Variants in TPRA1 observed in about 807,000 individuals in gnomAD.
TPRA1 encodes the protein transmembrane protein adipocyte-associated 1.
TPRA1 carries 28 observed loss-of-function variants against 40.1 expected under a neutral mutation model. The observed-to-expected ratio is 0.70, with a 90% CI of 0.52 to 0.96. TPRA1 has a LOEUF of 0.96. Among genes scored for constraint, TPRA1 ranks in the 40% least tolerant of loss-of-function variants. TPRA1 has a pLI of 0.00. For missense variants in TPRA1, 441 were observed against 482.6 expected, an observed-to-expected ratio of 0.91 and a Z score of 0.81; for synonymous variants, 219 against 209.7, an observed-to-expected ratio of 1.04 and a Z score of -0.38.
chr3:127,576,691 G>T lies in TPRA1; in HGVS notation c.424C>A (p.Leu142Met), dbSNP rs1313698964. ...VIILGLAFGH[L>M]ESKSSIKRVL... ...CGCTTGATGCTGGACTTACTCTCCA[G>T]GTGGCCTGGAAGAAACATGCTGGTC... is the stretch of plus-strand genomic sequence containing the variant. The change falls in exon 6 of 11, where the codon CTG (leucine) becomes ATG (methionine). Residue 142 changes from leucine to methionine, a missense_variant. Transcript: ENST00000355552. This position sits in a 1 kb window ranked among gnomAD's most constrained non-coding sequence, Gnocchi z 4.6. 1.9e-6 allele frequency: 3 copies of T among 1,610,024 alleles called. No homozygotes were observed. In the South Asian group the frequency reaches 3.3e-5, roughly 18 times the overall value.
At chr3:127,587,602 G>A (rs1163919839) in intron 1 of TPRA1, among the ~76,000 whole-genome samples, 2 of 151,726 alleles carry the variant, frequency 1.3e-5, no homozygotes, top group Non-Finnish European at 1.5e-5. Flanking sequence ...TAAGGGTGCC[G>A]TAAGGATCAA....
chr3:127,581,248 G>A (rs1460775275), intron 1 of TPRA1, among the ~76,000 whole-genome samples: 1 of 152,236 alleles, frequency 6.6e-6, no homozygotes, highest in Non-Finnish European at 1.5e-5. Flanking sequence ...AGGAATGCTT[G>A]TAAAGGCTGT....
At chr3:127,592,434 G>A (rs530114106), upstream of TPRA1, among the ~76,000 whole-genome samples, 28 of 142,330 alleles carry the variant, frequency 2.0e-4, no homozygotes, top group Admixed American at 1.5e-3. Flanking sequence ...GTCGGACTGC[G>A]GACTGCAGTG....
rs978133478 is a variant in TPRA1 at position 127,584,386 on chromosome 3, C to CAGCAGCA, written c.-17-4230_-17-4224dup. On this transcript the variant is annotated intron_variant, in intron 1 of 10. Coordinates refer to ENST00000355552, the MANE Select transcript of TPRA1 (RefSeq NM_001136053.4). ...GAGCCCAGGAGCTCCAGGCAGCAGG[C>CAGCAGCA]AGCAGCAAGCTATGATCACACCACT... Among the ~76,000 whole-genome samples the CAGCAGCA allele has an allele frequency of 5.4e-5, 7 of 129,128 alleles. No homozygotes were observed. The South Asian group carries it at 1.5e-3, about 27-fold the overall frequency. The allele number at this position is 129,128 out of a possible 152,430, so 84.7% of individuals were successfully genotyped here.
chr3:127,589,875 G>A (rs2074115870), intron 1 of TPRA1, among the ~76,000 whole-genome samples: 1 of 152,216 alleles, frequency 6.6e-6, no homozygotes, highest in South Asian at 2.1e-4. Context: ...GCCCCGCTGG[G>A]GACTGGACGA....
rs769628405 is a variant in TPRA1 at position 127,573,374 on chromosome 3, G to A, written c.*147C>T. The A allele has an allele frequency of 6.9e-5, 73 of 1,059,046 alleles. No homozygotes were observed. Among genetic ancestry groups the A allele is most frequent in the Non-Finnish European group, 8.6e-5 (65 of 759,818 alleles). 65.6% of individuals were successfully genotyped at this position (1,059,046 alleles called of 1,614,324 possible). ...CAAAGGGGATTGGGAGCCCCAGGGA[G>A]GTGGGGCCTCCAGACTCATGGTGGG... On this transcript the variant is annotated 3_prime_UTR_variant, in exon 11 of 11. Coordinates refer to ENST00000355552, the MANE Select transcript of TPRA1 (RefSeq NM_001136053.4).
At chr3:127,592,982 A>T (rs1394023567), upstream of TPRA1, among the ~76,000 whole-genome samples, 1 of 152,196 alleles carries the variant, frequency 6.6e-6, no homozygotes, top group African/African-American at 2.4e-5. Flanking sequence ...ATTCATCTTA[A>T]GCTTTCAGGC....
At position 127,576,079 on chromosome 3, in the gene TPRA1, G is replaced by C. The variant is rs910592880; in HGVS notation, c.499-29C>G. The stretch of plus-strand genomic sequence containing the variant: ...CAGGGGCAAGCAGGAAGGGAGGAAG[G>C]GAGAGGATCTCAAGGCTTCTCTCTC... On this transcript the variant is annotated intron_variant, in intron 6 of 10. Transcript: ENST00000355552. This position sits in a 1 kb window ranked among gnomAD's most constrained non-coding sequence, Gnocchi z 4.6. The C allele has an allele frequency of 1.3e-6, 2 of 1,562,106 alleles. No homozygotes were observed. The highest frequency in any genetic ancestry group is 2.7e-5 in the African/African-American group (2 of 73,778).
rs867773090 is a variant in TPRA1, at chr3:127,571,408, G to C, written c.*2113C>G. The C allele has an allele frequency of 6.6e-6, 1 of 152,224 alleles. No homozygotes were observed. Among genetic ancestry groups the C allele is most frequent in the African/African-American group, 2.4e-5 (1 of 41,456 alleles). 9.4% of individuals were successfully genotyped at this position (152,224 alleles called of 1,614,324 possible). A position where few individuals can be genotyped will look rare whatever the true frequency, so the allele number is the denominator to read the frequency against. On this transcript the variant is annotated 3_prime_UTR_variant, in exon 11 of 11. Coordinates refer to ENST00000355552, the MANE Select transcript of TPRA1 (RefSeq NM_001136053.4). Reference sequence around the variant, plus strand: ...AGTAATTAAAACTAATTAAGACTGTGTGCTCCAGCAATTCTACTTGCATGA... The same window carrying C: ...AGTAATTAAAACTAATTAAGACTGTCTGCTCCAGCAATTCTACTTGCATGA...
intron 1 of TPRA1, among the ~76,000 whole-genome samples, chr3:127,585,396 C>A (rs2073969476): frequency 6.6e-6 from 1 of 152,204 alleles, no homozygotes; most frequent in Non-Finnish European, 1.5e-5. Context: ...ACTCTAAGTG[C>A]AACCAGAAGG....
chr3:127,574,907 TCC>T, intron 10 of TPRA1: 1 of 506,512 alleles, frequency 2.0e-6, no homozygotes, highest in Admixed American at 3.6e-5. Context: ...CCCGTGTGTA[TCC>T]GTATGTGCGT....
intron 1 of TPRA1, among the ~76,000 whole-genome samples, chr3:127,589,845 T>G (rs1372354889): frequency 1.3e-5 from 2 of 152,154 alleles, no homozygotes; most frequent in East Asian, 3.9e-4. Flanking sequence ...CGGGAACAAC[T>G]GAATCTCCAG....
At chr3:127,597,838 C>T (rs1404233247) in intron 1 of TPRA1, among the ~76,000 whole-genome samples, 1 of 151,588 alleles carries the variant, frequency 6.6e-6, no homozygotes, top group African/African-American at 2.4e-5. Context: ...GACGGAGTCT[C>T]ACTCTGTCAC....
intron 1 of TPRA1, among the ~76,000 whole-genome samples, chr3:127,597,555 G>A (rs1001696918): frequency 6.6e-6 from 1 of 152,110 alleles, no homozygotes; most frequent in Non-Finnish European, 1.5e-5. Flanking sequence ...TCTTAGGGAG[G>A]GGCTTGCACA....
chr3:127,587,762 C>T (rs1436777237), intron 1 of TPRA1, among the ~76,000 whole-genome samples: 1 of 151,374 alleles, frequency 6.6e-6, no homozygotes, highest in Admixed American at 6.6e-5. Context: ...CTGCAACCTC[C>T]ACCTCCCGGG....
intron 1 of TPRA1, 92 bp from the exon 2 acceptor site, chr3:127,580,255 G>A: frequency 5.5e-6 from 8 of 1,442,216 alleles, no homozygotes; most frequent in Non-Finnish European, 7.4e-6. Context: ...AAATCAGAGG[G>A]GCTGCACAGA....
intron 10 of TPRA1, among the ~76,000 whole-genome samples, chr3:127,574,453 C>A (rs2073504897): frequency 6.6e-6 from 1 of 152,240 alleles, no homozygotes; most frequent in Admixed American, 6.5e-5. Flanking sequence ...AGCATCCCAT[C>A]TCACAGACGC....
Position 127,580,115 on chromosome 3 carries a change from T to C in TPRA1, c.32A>G (p.Asn11Ser), listed in dbSNP as rs376536573. The C allele has an allele frequency of 1.9e-6, 3 of 1,613,482 alleles. No individual in the cohort carries two copies. The highest frequency in any genetic ancestry group is 1.3e-5 in the African/African-American group (1 of 74,924). The change falls in exon 2 of 11, where the codon AAT becomes AGT. Residue 11 changes from asparagine to serine, a missense_variant. Transcript: ENST00000355552. ...GGGTGGGGGTAGCGCTGTGCTCCCA[T>C]TGGCCCAAGTCACCTCCTCCAGGGT... MDTLEEVTWANGSTALPPPLA... is the reference protein window; with the variant it reads MDTLEEVTWASGSTALPPPLA...
intron 1 of TPRA1, among the ~76,000 whole-genome samples, chr3:127,581,666 A>T (rs943693002): frequency 6.6e-6 from 1 of 151,742 alleles, no homozygotes; most frequent in African/African-American, 2.4e-5. Context: ...TAATCCTAGC[A>T]CTTTGGGAGG....
Sources: allele counts gnomAD v4.1 joint callset (sites outside exome capture counted in the v4.1 genomes callset), GRCh38; gene constraint gnomAD v4.1.1; non-coding constraint Gnocchi (gnomAD v3.1); transcripts MANE v1.5; gene names NCBI Gene and HGNC (gene_info 2026-07-23, HGNC 2026-07-21).